Variants in COG7 observed in about 807,000 individuals in gnomAD.
COG7 encodes the protein component of oligomeric golgi complex 7.
Under a neutral mutation model 91.5 loss-of-function variants are expected in COG7, and 49 were observed. The observed-to-expected ratio is 0.54, with a 90% CI of 0.43 to 0.68. COG7 has a LOEUF of 0.68. Ranked by LOEUF, COG7 falls within the 30% of genes least tolerant of loss-of-function variation. The pLI is 0.00. For missense variants in COG7, 895 were observed against 961.3 expected, an observed-to-expected ratio of 0.93 and a Z score of 0.91; for synonymous variants, 365 against 388.7, an observed-to-expected ratio of 0.94 and a Z score of 0.72.
At chr16:23,406,758 C>T (rs891826355) in intron 11 of COG7, among the ~76,000 whole-genome samples, 2 of 152,178 alleles carry the variant, frequency 1.3e-5, no homozygotes, top group East Asian at 1.9e-4. Flanking sequence ...TCCTACATGC[C>T]GAGCTTGCAT....
chr16:23,445,069 A>G lies in COG7; in HGVS notation c.414T>C (p.Ile138=). ...CTACCTGAGTCTTAAATGTCTCCTC[A>G]ATATCGGCGCTCAACGTGCTCCACT... ...ADKWSTLSAD[I]EETFKTQDIA... is the part of the protein sequence containing the mutation. Residue 138 remains isoleucine, a synonymous_variant, in exon 3 of 17, where the codon ATT becomes ATC. Coordinates refer to ENST00000307149, the MANE Select transcript of COG7 (RefSeq NM_153603.4). The G allele has an allele frequency of 1.2e-6, 2 of 1,613,894 alleles. No individual in the cohort carries two copies. Among genetic ancestry groups the G allele is most frequent in the Non-Finnish European group, 8.5e-7 (1 of 1,179,824 alleles).
At chr16:23,393,494 T>A in intron 14 of COG7, 147 bp from the exon 15 acceptor site, 1 of 676,160 alleles carries the variant, frequency 1.5e-6, no homozygotes, top group Non-Finnish European at 2.7e-6. Context: ...TATGTGGCGA[T>A]GCTTGTTATG....
chr16:23,418,770 T>C lies in COG7; in HGVS notation c.1067A>G (p.Lys356Arg), dbSNP rs749881280. 3.7e-6 allele frequency: 6 copies of C among 1,612,692 alleles called. 1 individual carries two copies. In the East Asian group the frequency reaches 6.7e-5, roughly 18 times the overall value. ...GTCGCCATACTTCAGCTGGTAGGGT[T>C]TGTATGGATCATACACAGCATCCAC... ...ELVDAVYDPY[K>R]PYQLKYGDME... The change falls in exon 8 of 17, where the codon AAA becomes AGA. Residue 356 changes from lysine to arginine, a missense_variant. Transcript: ENST00000307149.
intron 3 of COG7, among the ~76,000 whole-genome samples, chr16:23,444,402 T>C (rs1964150012): frequency 6.6e-6 from 1 of 151,982 alleles, no homozygotes; most frequent in South Asian, 2.1e-4. Context: ...AAGGGGTCAA[T>C]AACCCACCAA....
intron 11 of COG7, among the ~76,000 whole-genome samples, chr16:23,408,528 G>A (rs541150534): frequency 7.9e-5 from 12 of 151,664 alleles, no homozygotes; most frequent in South Asian, 4.2e-4. Flanking sequence ...TTCTTCTCAC[G>A]ATTCTTTGTT....
Position 23,424,819 on chromosome 16 carries a change from C to A in COG7, c.939G>T (p.Arg313Ser). The A allele has an allele frequency of 5.6e-6, 9 of 1,614,232 alleles. No homozygotes were observed. Among genetic ancestry groups the A allele is most frequent in the Non-Finnish European group, 7.6e-6 (9 of 1,180,044 alleles). Residue 313 changes from arginine to serine, a missense_variant, in exon 7 of 17, where the codon AGG (arginine) becomes AGT (serine). Coordinates refer to ENST00000307149, the MANE Select transcript of COG7 (RefSeq NM_153603.4). ...ERAGPEQELT[R>S]LLEFYDATAH... ...CGGTGGCGTCGTAGAACTCCAGCAG[C>A]CTGGTGAGCTCCTGCTCGGGCCCTG... is the stretch of plus-strand genomic sequence containing the variant.
intron 5 of COG7, 140 bp downstream of exon 5, chr16:23,434,496 T>A: frequency 1.4e-6 from 1 of 715,440 alleles, no homozygotes; most frequent in Admixed American, 2.0e-5. Flanking sequence ...GAGCACCCCC[T>A]ACTGGCTAAC....
chr16:23,410,339 C>T lies in COG7; in HGVS notation c.1431G>A (p.Glu477=). The T allele has an allele frequency of 6.2e-7, 1 of 1,614,094 alleles. No individual in the cohort carries two copies. Among genetic ancestry groups the T allele is most frequent in the Non-Finnish European group, 8.5e-7 (1 of 1,180,000 alleles). ...NSIRIIATCG[E]LLRHCGDFEQ... ...CGAAGTCCCCACAATGCCGCAAAAGCTCTCCACAGGTGGCTATTATCCTAA... is the reference window on the plus strand; with the variant it reads ...CGAAGTCCCCACAATGCCGCAAAAGTTCTCCACAGGTGGCTATTATCCTAA... Residue 477 remains glutamate (E), a synonymous_variant, in exon 11 of 17, where the codon GAG becomes GAA. Transcript: ENST00000307149.
chr16:23,425,449 A>T (rs1963830937), intron 6 of COG7, among the ~76,000 whole-genome samples: 1 of 152,114 alleles, frequency 6.6e-6, no homozygotes, highest in Admixed American at 6.5e-5. Flanking sequence ...TTCCCACCTT[A>T]GCCTCCCAAG....
Position 23,392,393 on chromosome 16 carries a change from C to G in COG7, c.2133G>C (p.Leu711=). 1 of 1,614,178 alleles carries G rather than the reference C, an allele frequency of 6.2e-7. No individual in the cohort carries two copies. Among genetic ancestry groups the G allele is most frequent in the African/African-American group, 1.3e-5 (1 of 75,052 alleles). The change falls in exon 16 of 17, where the codon CTG becomes CTC. Residue 711 remains leucine (L), a synonymous_variant. Coordinates refer to ENST00000307149, the MANE Select transcript of COG7 (RefSeq NM_153603.4). ...GTGGGGACCCACCGATGTCAGTGGC[C>G]AGCTGCTTGGCAGAGTGTGGGCTCA... ...PELSPHSAKQ[L]ATDIDYLINV...
chr16:23,393,431 G>T (rs1478245369), intron 14 of COG7, 84 bp from the exon 15 acceptor site: 2 of 1,040,436 alleles, frequency 1.9e-6, no homozygotes, highest in Admixed American at 1.9e-5. Context: ...AAGGCAAACG[G>T]CAGAGAGACA....
intron 4 of COG7, among the ~76,000 whole-genome samples, chr16:23,438,622 C>T (rs1365143668): frequency 6.6e-6 from 1 of 151,572 alleles, no homozygotes; most frequent in Non-Finnish European, 1.5e-5. Context: ...CAGGAATATA[C>T]AAATAGTCAA....
At chr16:23,392,951 A>G (rs1963224828) in intron 15 of COG7, among the ~76,000 whole-genome samples, 1 of 152,134 alleles carries the variant, frequency 6.6e-6, no homozygotes, top group African/African-American at 2.4e-5. Context: ...ATAATACAGA[A>G]TACAAAGTTA....
intron 4 of COG7, among the ~76,000 whole-genome samples, chr16:23,439,814 T>C (rs1388090371): frequency 1.3e-5 from 2 of 152,212 alleles, no homozygotes; most frequent in Non-Finnish European, 2.9e-5. Context: ...TTAATGCCAC[T>C]GAAATGCACA....
rs112887835 is a variant in COG7, at chr16:23,393,364, C to T, written c.1888-17G>A. The T allele has an allele frequency of 2.0e-4, 314 of 1,577,550 alleles. 1 individual carries two copies. In the African/African-American group the frequency reaches 3.3e-3, roughly 17 times the overall value. Reference sequence around the variant, plus strand: ...CTGCCCGATCTGAAACAAAAGAAAGCGCTGTTAGCCTGACATTGACACATA... The same window carrying T: ...CTGCCCGATCTGAAACAAAAGAAAGTGCTGTTAGCCTGACATTGACACATA... On this transcript the variant is annotated splice_polypyrimidine_tract_variant and intron_variant, in intron 14 of 16. Coordinates refer to ENST00000307149, the MANE Select transcript of COG7 (RefSeq NM_153603.4).
chr16:23,433,773 C>G (rs1963970930), intron 5 of COG7, 106 bp from the exon 6 acceptor site: 1 of 1,346,620 alleles, frequency 7.4e-7, no homozygotes, highest in African/African-American at 1.4e-5. Context: ...GCTCAATGGG[C>G]TCACTGGGCA....
chr16:23,410,404 C>G (rs779735703), intron 10 of COG7, 44 bp from the exon 11 acceptor site: 1 of 1,481,420 alleles, frequency 6.8e-7, no homozygotes, highest in Non-Finnish European at 9.4e-7. Context: ...ATCTGGAATG[C>G]CAGCCTTTAC....
At chr16:23,433,493 T>C in intron 6 of COG7, 52 bp downstream of exon 6, 1 of 1,612,616 alleles carries the variant, frequency 6.2e-7, no homozygotes, top group Non-Finnish European at 8.5e-7. Flanking sequence ...CAGTCACCCG[T>C]TCCCTTGTCA....
intron 14 of COG7, among the ~76,000 whole-genome samples, chr16:23,397,296 C>G (rs373962473): frequency 6.6e-6 from 1 of 152,172 alleles, no homozygotes; most frequent in Non-Finnish European, 1.5e-5. Flanking sequence ...AAGGCAAGAG[C>G]GTAAGGCAGA....
Sources: gnomAD v4.1 joint callset for allele counts (sites outside exome capture counted in the v4.1 genomes callset) on GRCh38, gnomAD v4.1.1 for gene constraint, MANE v1.5 for transcripts, NCBI Gene and HGNC (gene_info 2026-07-23, HGNC 2026-07-21) for gene names.